The following PRKCB variants were observed in gnomAD, a reference collection of about 807,000 sequenced individuals.
PRKCB encodes the protein protein kinase C beta type.
PRKCB carries 13 observed loss-of-function variants against 81.5 expected under a neutral mutation model. The observed-to-expected ratio is 0.16, with a 90% CI of 0.10 to 0.25. The LOEUF (loss-of-function observed/expected upper bound fraction) is 0.25, where lower values mean the gene tolerates loss of function less well. Ranked by LOEUF, PRKCB falls within the 10% of genes least tolerant of loss-of-function variation. The pLI is 1.00. For missense variants in PRKCB, 509 were observed against 875.7 expected, an observed-to-expected ratio of 0.58 and a Z score of 5.29; for synonymous variants, 335 against 321.4, an observed-to-expected ratio of 1.04 and a Z score of -0.45.
intron 2 of PRKCB, among the ~76,000 whole-genome samples, chr16:23,859,985 G>A (rs1962637088): frequency 6.6e-6 from 1 of 152,040 alleles, no homozygotes; most frequent in Non-Finnish European, 1.5e-5. Context: ...TGGGAAAATG[G>A]GTGGGAAATA....
chr16:23,965,204 C>G (rs1370567035), intron 2 of PRKCB, among the ~76,000 whole-genome samples: 1 of 152,180 alleles, frequency 6.6e-6, no homozygotes, highest in Admixed American at 6.5e-5. Context: ...GTCATGAGTG[C>G]CTGATGTTTA....
At chr16:24,091,206 A>C (rs1039138560) in intron 5 of PRKCB, among the ~76,000 whole-genome samples, 3 of 152,230 alleles carry the variant, frequency 2.0e-5, no homozygotes, top group Non-Finnish European at 4.4e-5. Flanking sequence ...TATCCTGTTA[A>C]AATTCTCTGC....
chr16:24,018,812 G>A (rs144599095), intron 3 of PRKCB, among the ~76,000 whole-genome samples: 5 of 152,284 alleles, frequency 3.3e-5, no homozygotes, highest in East Asian at 1.9e-4. Flanking sequence ...ATGAAAGATC[G>A]TCACCAAATT....
At chr16:23,984,469 C>T (rs975873840) in intron 2 of PRKCB, among the ~76,000 whole-genome samples, 1 of 152,112 alleles carries the variant, frequency 6.6e-6, no homozygotes, top group Non-Finnish European at 1.5e-5. Context: ...AATACAATCA[C>T]AGACACACAG....
At chr16:24,161,455 G>C (rs1285985614) in intron 10 of PRKCB, among the ~76,000 whole-genome samples, 8 of 152,252 alleles carry the variant, frequency 5.3e-5, no homozygotes, top group African/African-American at 1.9e-4. Context: ...CTGTGGATAA[G>C]TGCCTTCTTT....
intron 10 of PRKCB, among the ~76,000 whole-genome samples, chr16:24,165,843 GCAGA>G (rs1259970985): frequency 2.0e-5 from 3 of 150,400 alleles, no homozygotes; most frequent in African/African-American, 4.9e-5. Flanking sequence ...AGTAGAAAAG[GCAGA>G]CAAACTTAGT....
chr16:24,009,081 C>T (rs1318808839), intron 3 of PRKCB, among the ~76,000 whole-genome samples: 1 of 152,126 alleles, frequency 6.6e-6, no homozygotes, highest in African/African-American at 2.4e-5. Context: ...AACACATTTT[C>T]CTTATCCATT....
At chr16:23,845,561 G>T (rs967833346) in intron 2 of PRKCB, among the ~76,000 whole-genome samples, 5 of 152,158 alleles carry the variant, frequency 3.3e-5, no homozygotes, top group African/African-American at 1.2e-4. Context: ...CAAGAGGATT[G>T]CTTGAGGCCA....
At chr16:24,188,653 CA>C (rs970516045) in intron 15 of PRKCB, among the ~76,000 whole-genome samples, 2 of 151,832 alleles carry the variant, frequency 1.3e-5, no homozygotes, top group African/African-American at 4.8e-5. Flanking sequence ...AAACTTGAAG[CA>C]AACAGAAGCC....
intron 2 of PRKCB, among the ~76,000 whole-genome samples, chr16:23,982,998 G>A (rs2141817756): frequency 6.6e-6 from 1 of 152,128 alleles, no homozygotes; most frequent in East Asian, 1.9e-4. Context: ...GTAGAGCAAG[G>A]GGTTATTGAA....
At chr16:24,048,771 C>T (rs1367127971) in intron 5 of PRKCB, among the ~76,000 whole-genome samples, 1 of 152,064 alleles carries the variant, frequency 6.6e-6, no homozygotes, top group Non-Finnish European at 1.5e-5. Flanking sequence ...TGTGAGTCAC[C>T]GTGCCCAGCC....
chr16:23,990,418 A>G (rs1298249319), intron 3 of PRKCB, among the ~76,000 whole-genome samples: 1 of 151,560 alleles, frequency 6.6e-6, no homozygotes, highest in Non-Finnish European at 1.5e-5. Context: ...AGATCGCACC[A>G]CTGCACTCCA....
chr16:24,072,383 T>A (rs1049297385), intron 5 of PRKCB, among the ~76,000 whole-genome samples: 3 of 151,796 alleles, frequency 2.0e-5, no homozygotes, highest in African/African-American at 7.3e-5. Context: ...TCCTCCCACA[T>A]CAGCCTCCTA....
chr16:23,850,425 G>T (rs1249217396), intron 2 of PRKCB, among the ~76,000 whole-genome samples: 1 of 152,064 alleles, frequency 6.6e-6, no homozygotes, highest in Non-Finnish European at 1.5e-5. Context: ...GAGTACAATG[G>T]TGCGATCTCA....
intron 3 of PRKCB, among the ~76,000 whole-genome samples, chr16:23,991,097 A>T (rs895856756): frequency 2.0e-5 from 3 of 152,160 alleles, no homozygotes; most frequent in Non-Finnish European, 4.4e-5. Flanking sequence ...GTGAGTAGTG[A>T]CTATCTTCTG....
intron 3 of PRKCB, among the ~76,000 whole-genome samples, chr16:23,988,985 G>C (rs1221589285): frequency 6.6e-6 from 1 of 152,000 alleles, no homozygotes; most frequent in Non-Finnish European, 1.5e-5. Context: ...TTTTCAGATG[G>C]AGTCTTGCTC....
chr16:23,970,245 T>C (rs1439153304), intron 2 of PRKCB, among the ~76,000 whole-genome samples: 4 of 151,994 alleles, frequency 2.6e-5, no homozygotes, highest in Non-Finnish European at 5.9e-5. Flanking sequence ...TAATGTCATC[T>C]CCAAGAAGGC....
chr16:24,204,036 G>A (rs1418206066), intron 16 of PRKCB, among the ~76,000 whole-genome samples: 1 of 151,904 alleles, frequency 6.6e-6, no homozygotes, highest in East Asian at 1.9e-4. Flanking sequence ...GGAATTTAGG[G>A]TTTGGCAGAG....
chr16:23,952,080 T>G (rs1428351620), intron 2 of PRKCB, among the ~76,000 whole-genome samples: 1 of 152,092 alleles, frequency 6.6e-6, no homozygotes, highest in Non-Finnish European at 1.5e-5. Flanking sequence ...GAGTTTTTTT[T>G]GTGTGTAAAC....
Sources: allele counts gnomAD v4.1 joint callset (sites outside exome capture counted in the v4.1 genomes callset), GRCh38; gene constraint gnomAD v4.1.1; transcripts MANE v1.5; gene names NCBI Gene and HGNC (gene_info 2026-07-23, HGNC 2026-07-21).